The following PCDH15 variants were observed in gnomAD, a reference collection of about 807,000 sequenced individuals.
The protein encoded by PCDH15 is protocadherin-15.
Under a neutral mutation model 178.5 loss-of-function variants are expected in PCDH15, and 129 were observed. That is an observed-to-expected ratio of 0.72 (90% confidence interval 0.63 to 0.84). PCDH15 has a LOEUF of 0.84. Among genes scored for constraint, PCDH15 ranks in the 40% least tolerant of loss-of-function variants. PCDH15 has a pLI of 0.00. For synonymous variants in PCDH15, 800 were observed against 732.0 expected (o/e 1.09, Z -1.50); for missense variants, 2,230 against 2,099.9 (o/e 1.06, Z -1.21).
chr10:53,843,777 T>C (rs1251718624), intron 28 of PCDH15, among the ~76,000 whole-genome samples: 3 of 152,124 alleles, frequency 2.0e-5, no homozygotes, highest in Non-Finnish European at 4.4e-5. Flanking sequence ...CATAAAATTA[T>C]AGCAAAACTC....
chr10:53,864,429 A>G (rs1406726621), intron 27 of PCDH15, among the ~76,000 whole-genome samples: 1 of 152,138 alleles, frequency 6.6e-6, no homozygotes, highest in Non-Finnish European at 1.5e-5. Flanking sequence ...CCCTTCCCCC[A>G]TGTCTCAGAT....
chr10:55,083,620 A>C (rs1842095928), intron 2 of PCDH15, among the ~76,000 whole-genome samples: 1 of 151,900 alleles, frequency 6.6e-6, no homozygotes, highest in African/African-American at 2.4e-5. Context: ...AAAAGAGTGA[A>C]ATTATCCCTG....
intron 1 of PCDH15, among the ~76,000 whole-genome samples, chr10:55,314,784 T>G (rs1439553832): frequency 1.3e-5 from 2 of 152,188 alleles, no homozygotes; most frequent in Non-Finnish European, 2.9e-5. Context: ...AATGTGGCTT[T>G]TGAAAATGAT....
chr10:54,749,688 T>A (rs1050810701), intron 1 of PCDH15, among the ~76,000 whole-genome samples: 1 of 152,176 alleles, frequency 6.6e-6, no homozygotes, highest in Admixed American at 6.5e-5. Flanking sequence ...GTACTTTGGC[T>A]TATTATTGGA....
intron 2 of PCDH15, among the ~76,000 whole-genome samples, chr10:54,900,146 G>A (rs1954616383): frequency 1.3e-5 from 2 of 152,130 alleles, no homozygotes; most frequent in African/African-American, 4.8e-5. Context: ...TATACCAGGT[G>A]TATCTGCCAT....
At chr10:54,551,848 G>A (rs896165862) in intron 2 of PCDH15, among the ~76,000 whole-genome samples, 2 of 151,876 alleles carry the variant, frequency 1.3e-5, no homozygotes, top group Non-Finnish European at 2.9e-5. Context: ...AAAAGAATCT[G>A]AGCTCACCTA....
chr10:54,277,146 G>T (rs1043018191), intron 8 of PCDH15, among the ~76,000 whole-genome samples: 2 of 151,472 alleles, frequency 1.3e-5, no homozygotes, highest in African/African-American at 4.8e-5. Flanking sequence ...TAACTGATCT[G>T]GAAGTGGAAG....
intron 8 of PCDH15, among the ~76,000 whole-genome samples, chr10:54,248,528 G>T (rs2056202394): frequency 6.6e-6 from 1 of 151,908 alleles, no homozygotes; most frequent in Non-Finnish European, 1.5e-5. Flanking sequence ...AATGCATTAA[G>T]CAGTTGGCAG....
intron 8 of PCDH15, among the ~76,000 whole-genome samples, chr10:54,287,135 C>T (rs1175664095): frequency 6.6e-6 from 1 of 152,042 alleles, no homozygotes. Context: ...TTTAGAGTTT[C>T]AAAATTTCAT....
At chr10:55,200,452 G>A (rs183264669) in intron 1 of PCDH15, among the ~76,000 whole-genome samples, 2 of 152,190 alleles carry the variant, frequency 1.3e-5, no homozygotes, top group African/African-American at 4.8e-5. Context: ...ATTTGAACTT[G>A]TGTTTTATTT....
intron 2 of PCDH15, among the ~76,000 whole-genome samples, chr10:54,611,177 A>G (rs2092948516): frequency 6.6e-6 from 1 of 151,850 alleles, no homozygotes; most frequent in African/African-American, 2.4e-5. Flanking sequence ...TATCTATGCT[A>G]ACTCCCATTT....
At chr10:55,191,573 T>C (rs1011604838) in intron 1 of PCDH15, among the ~76,000 whole-genome samples, 1 of 151,886 alleles carries the variant, frequency 6.6e-6, no homozygotes, top group African/African-American at 2.4e-5. Flanking sequence ...TCATGTAAAA[T>C]TATTTAATCT....
At chr10:53,900,259 C>T (rs1376683067) in intron 26 of PCDH15, among the ~76,000 whole-genome samples, 1 of 151,274 alleles carries the variant, frequency 6.6e-6, no homozygotes. Context: ...CTGTCTCTCT[C>T]TCCCCTCTTT....
At chr10:53,919,764 T>C (rs927211829) in intron 25 of PCDH15, among the ~76,000 whole-genome samples, 1 of 152,136 alleles carries the variant, frequency 6.6e-6, no homozygotes, top group Non-Finnish European at 1.5e-5. Context: ...TTTATTTCTA[T>C]AGTGAAAAAA....
At chr10:54,285,617 G>T (rs2058982930) in intron 8 of PCDH15, among the ~76,000 whole-genome samples, 1 of 152,122 alleles carries the variant, frequency 6.6e-6, no homozygotes, top group South Asian at 2.1e-4. Flanking sequence ...TACACTGTTT[G>T]TGGGAATGTA....
chr10:54,510,120 C>T (rs2137711203), intron 3 of PCDH15, among the ~76,000 whole-genome samples: 2 of 152,278 alleles, frequency 1.3e-5, no homozygotes, highest in South Asian at 2.1e-4. Flanking sequence ...TGGTTTTGTT[C>T]AGTTTCAAAT....
intron 2 of PCDH15, among the ~76,000 whole-genome samples, chr10:54,560,268 C>T (rs971373357): frequency 2.0e-5 from 3 of 151,888 alleles, no homozygotes; most frequent in Non-Finnish European, 2.9e-5. Context: ...AATGTTCTCT[C>T]GAAATTCTTA....
At chr10:54,422,681 C>T (rs943555141) in intron 3 of PCDH15, among the ~76,000 whole-genome samples, 11 of 151,972 alleles carry the variant, frequency 7.2e-5, no homozygotes, top group African/African-American at 2.2e-4. Flanking sequence ...AAAATTGTCC[C>T]GGCTTGAGAA....
chr10:53,917,832 G>A (rs1411260217), intron 25 of PCDH15, among the ~76,000 whole-genome samples: 1 of 152,076 alleles, frequency 6.6e-6, no homozygotes, highest in Non-Finnish European at 1.5e-5. Context: ...GAATGGCTTA[G>A]CACCATCTCC....
Sources: allele counts gnomAD v4.1 joint callset (sites outside exome capture counted in the v4.1 genomes callset), GRCh38; gene constraint gnomAD v4.1.1; transcripts MANE v1.5; gene names NCBI Gene and HGNC (gene_info 2026-07-23, HGNC 2026-07-21).